The following RSPH14 variants were observed in gnomAD, a reference collection of about 807,000 sequenced individuals.
The protein encoded by RSPH14 is radial spoke head 14 homolog, also known as rhabdoid tumor deletion region gene 1.
Under a neutral mutation model 26.7 loss-of-function variants are expected in RSPH14, and 20 were observed. The observed-to-expected ratio is 0.75, with a 90% CI of 0.53 to 1.09. RSPH14 has a LOEUF of 1.09. RSPH14 is among the 50% of genes least tolerant of loss of function. The pLI is 0.00. For missense variants in RSPH14, 449 were observed against 457.2 expected (o/e 0.98, Z 0.16); for synonymous variants, 177 against 189.3 (o/e 0.93, Z 0.53).
At chr22:23,147,107 T>C (rs1330786493), upstream of RSPH14, among the ~76,000 whole-genome samples, 1 of 152,192 alleles carries the variant, frequency 6.6e-6, no homozygotes, top group Non-Finnish European at 1.5e-5. Context: ...ATCGTTGTTG[T>C]TATCAAAACA....
At chr22:23,070,528 T>G (rs2068331691) in intron 4 of RSPH14, 4 of 148,558 alleles carry the variant, frequency 2.7e-5, no homozygotes, top group Non-Finnish European at 4.5e-5. Context: ...CGCCCCGCCC[T>G]GCCCGGAGCA....
chr22:23,151,830 C>T, the RSPH14 span, among the ~76,000 whole-genome samples: 1 of 152,228 alleles, frequency 6.6e-6, no homozygotes, highest in Non-Finnish European at 1.5e-5. Context: ...AGCCCAAGAA[C>T]CTCAGAGCCG....
rs1489878606 is a variant in RSPH14 at position 23,078,440 on chromosome 22, A to G, written c.422-14307T>C. 2.6e-5 allele frequency among the ~76,000 whole-genome samples: 4 copies of G among 151,970 alleles called. No individual in the cohort carries two copies. In the East Asian group the frequency reaches 7.7e-4, roughly 29 times the overall value. ...CTGGTGGGGCTGCCCTTGTCCCCCCAACACTGCCCACCTCCTCCAAGGAGT... is the reference window on the plus strand; with the variant it reads ...CTGGTGGGGCTGCCCTTGTCCCCCCGACACTGCCCACCTCCTCCAAGGAGT... On this transcript the variant is annotated intron_variant, in intron 4 of 6. Coordinates refer to ENST00000216036, the MANE Select transcript of RSPH14 (RefSeq NM_014433.3).
chr22:23,125,442 C>T (rs1011818624), intron 4 of RSPH14, among the ~76,000 whole-genome samples: 1 of 152,134 alleles, frequency 6.6e-6, no homozygotes, highest in Non-Finnish European at 1.5e-5. Flanking sequence ...GGTTCCTGTG[C>T]CCCCAGTAGT....
At chr22:23,102,000 G>A (rs1465593666) in intron 4 of RSPH14, among the ~76,000 whole-genome samples, 2 of 152,218 alleles carry the variant, frequency 1.3e-5, no homozygotes, top group African/African-American at 4.8e-5. Flanking sequence ...CCGAGCACTG[G>A]AGCGATGGGG....
the RSPH14 span, chr22:23,161,471 A>ATGCTAAATTACTTCTCCCC: frequency 6.4e-7 from 1 of 1,573,458 alleles, no homozygotes; most frequent in Non-Finnish European, 8.7e-7. Flanking sequence ...TTCCTGGTTG[A>ATGCTAAATTACTTCTCCCC]TGCTAAATTA....
chr22:23,161,100 G>A, the RSPH14 span: 2 of 1,402,822 alleles, frequency 1.4e-6, no homozygotes, highest in South Asian at 2.7e-5. Context: ...TCCTGAACTT[G>A]TGGCCCTCTC....
chr22:23,161,640 G>T, the RSPH14 span: 1 of 1,289,100 alleles, frequency 7.8e-7, no homozygotes, highest in South Asian at 1.3e-5. Flanking sequence ...TGTGGAGACT[G>T]GAGCCCAAGC....
chr22:23,061,036 A>G (rs970576827), intron 6 of RSPH14, among the ~76,000 whole-genome samples: 3 of 151,716 alleles, frequency 2.0e-5, no homozygotes, highest in African/African-American at 7.3e-5. Flanking sequence ...GGGGCTGTGG[A>G]CTCCAAGAAA....
the RSPH14 span, among the ~76,000 whole-genome samples, chr22:23,158,592 G>A: frequency 6.6e-6 from 1 of 152,214 alleles, no homozygotes; most frequent in Non-Finnish European, 1.5e-5. Flanking sequence ...GGGAGGCGGG[G>A]GTGATGGTTC....
chr22:23,143,092 C>G (rs1397333373), upstream of RSPH14, among the ~76,000 whole-genome samples: 1 of 152,048 alleles, frequency 6.6e-6, no homozygotes, highest in Non-Finnish European at 1.5e-5. Context: ...GTATATTGAC[C>G]ATTTTGAGTG....
the RSPH14 span, among the ~76,000 whole-genome samples, chr22:23,154,818 G>T: frequency 4.6e-5 from 7 of 152,266 alleles, no homozygotes; most frequent in Admixed American, 3.9e-4. Context: ...TGTCATACTG[G>T]ATCACTTGAA....
chr22:23,176,280 A>T, the RSPH14 span, among the ~76,000 whole-genome samples: 1 of 152,226 alleles, frequency 6.6e-6, no homozygotes, highest in Non-Finnish European at 1.5e-5. Context: ...AAGCTGAGGC[A>T]GGGCTTGCAT....
At chr22:23,123,090 C>T (rs777845926) in intron 4 of RSPH14, 2 of 1,608,388 alleles carry the variant, frequency 1.2e-6, no homozygotes, top group Non-Finnish European at 1.7e-6. Flanking sequence ...TCCCCAGAGT[C>T]GGATGGCAGA....
At chr22:23,108,544 A>G (rs1311758910) in intron 4 of RSPH14, among the ~76,000 whole-genome samples, 2 of 152,238 alleles carry the variant, frequency 1.3e-5, no homozygotes, top group African/African-American at 4.8e-5. Flanking sequence ...GAGGGTTTGC[A>G]CAGGGGGCAA....
intron 4 of RSPH14, among the ~76,000 whole-genome samples, chr22:23,068,395 A>G (rs1230398801): frequency 2.0e-5 from 3 of 152,212 alleles, no homozygotes; most frequent in African/African-American, 7.2e-5. Context: ...CCCCTGCCCT[A>G]CAGGCAGAGG....
In RSPH14 at chr22:23,071,117, G is replaced by C. The variant is rs568756160; in HGVS notation, c.422-6984C>G. On this transcript the variant is annotated intron_variant, in intron 4 of 6. Transcript: ENST00000216036. This position sits in a 1 kb window ranked among gnomAD's most constrained non-coding sequence, Gnocchi z 4.1. ...CGGTCACTGCTCTTGCAGCGAGCAG[G>C]TTCCTCACAGGCATTTAGAGGAAGA... 6.6e-6 allele frequency among the ~76,000 whole-genome samples: 1 copy of C among 152,224 alleles called. No homozygotes were observed. The highest frequency in any genetic ancestry group is 6.5e-5 in the Admixed American group (1 of 15,294).
chr22:23,064,480 G>A lies in RSPH14; in HGVS notation c.422-347C>T, dbSNP rs147778545. 1.6e-3 allele frequency among the ~76,000 whole-genome samples: 250 copies of A among 152,298 alleles called. 1 individual carries two copies. The highest frequency in any genetic ancestry group is 5.8e-3 in the African/African-American group (243 of 41,558). ...GGAGAGCTGACAGCTCACTCCTGCA[G>A]GGCCCAGGCACACCAGGAGACCTCC... is the stretch of plus-strand genomic sequence containing the variant. On this transcript the variant is annotated intron_variant, in intron 4 of 6. Transcript: ENST00000216036.
chr22:23,159,647 A>C, the RSPH14 span, among the ~76,000 whole-genome samples: 1 of 152,106 alleles, frequency 6.6e-6, no homozygotes, highest in Admixed American at 6.5e-5. Flanking sequence ...GCCAGGATCC[A>C]AACACACCCT....
Sources: gnomAD v4.1 joint callset for allele counts (sites outside exome capture counted in the v4.1 genomes callset) on GRCh38, gnomAD v4.1.1 for gene constraint, Gnocchi (gnomAD v3.1) non-coding constraint, MANE v1.5 for transcripts, NCBI Gene and HGNC (gene_info 2026-07-23, HGNC 2026-07-21) for gene names.